The following PALM2AKAP2 variants were observed in gnomAD, a reference collection of about 807,000 sequenced individuals.
PALM2AKAP2 encodes PALM2 and AKAP2 fusion.
Under a neutral mutation model 71.5 loss-of-function variants are expected in PALM2AKAP2, and 37 were observed. The ratio of observed to expected loss-of-function variants is 0.52; its 90% confidence interval spans 0.40 to 0.68. PALM2AKAP2 has a LOEUF of 0.68. Among genes scored for constraint, PALM2AKAP2 ranks in the 30% least tolerant of loss-of-function variants. The pLI, the probability that PALM2AKAP2 is intolerant of heterozygous loss-of-function variation, is 0.00. For missense variants in PALM2AKAP2, 1,224 were observed against 1,191.8 expected (o/e 1.03, Z -0.40); for synonymous variants, 468 against 478.8 (o/e 0.98, Z 0.29).
intron 1 of PALM2AKAP2, among the ~76,000 whole-genome samples, chr9:109,764,928 T>C (rs928114215): frequency 5.3e-5 from 8 of 152,154 alleles, no homozygotes; most frequent in African/African-American, 1.9e-4. Context: ...CAGTTATTAG[T>C]GAGGAAGGAA....
chr9:109,729,453 G>A (rs567687431), intron 1 of PALM2AKAP2, among the ~76,000 whole-genome samples: 6 of 152,316 alleles, frequency 3.9e-5, no homozygotes, highest in Non-Finnish European at 8.8e-5. Context: ...GACATTAGAT[G>A]ATTCTATGAT....
intron 6 of PALM2AKAP2, among the ~76,000 whole-genome samples, chr9:109,969,856 C>T (rs1028589402): frequency 6.6e-6 from 1 of 152,206 alleles, no homozygotes; most frequent in Middle Eastern, 3.4e-3. Flanking sequence ...CACCCCTCCC[C>T]GAACCCCACC....
chr9:109,925,572 C>T (rs1010466715), intron 5 of PALM2AKAP2, among the ~76,000 whole-genome samples: 16 of 152,236 alleles, frequency 1.1e-4, no homozygotes, highest in Admixed American at 5.9e-4. Context: ...AGACAACTGT[C>T]GTTTCTTTCA....
intron 7 of PALM2AKAP2, among the ~76,000 whole-genome samples, chr9:110,019,171 C>G (rs1212193889): frequency 7.0e-6 from 1 of 142,548 alleles, no homozygotes; most frequent in East Asian, 2.0e-4. Context: ...ACCAGGGAGG[C>G]AGAGATTGCC....
At position 109,931,940 on chromosome 9, in the gene PALM2AKAP2, C is replaced by G. The variant is rs542620758; in HGVS notation, c.408C>G (p.Tyr136Ter). Residue 136 changes from tyrosine (Y) to a stop codon, truncating the protein, a stop_gained, in exon 6 of 10, where the codon TAC (tyrosine) becomes TAG (stop). Transcript: ENST00000302798. LOFTEE classifies it high-confidence loss of function. ...CTCTGCTACCAGATGCAGTAAATTA[C>G]ATTTCCTCCCAGCTTCCCGACCTGC... 1.2e-6 allele frequency: 2 copies of G among 1,614,096 alleles called. No homozygotes were observed. The highest frequency in any genetic ancestry group is 2.2e-5 in the South Asian group (2 of 91,056).
intron 6 of PALM2AKAP2, among the ~76,000 whole-genome samples, chr9:110,002,910 ATTC>A (rs1832706522): frequency 1.3e-5 from 2 of 151,068 alleles, no homozygotes; most frequent in Non-Finnish European, 3.0e-5. Flanking sequence ...CGTCTATTTG[ATTC>A]TTCTCTCTTT....
At chr9:110,048,686 A>G, upstream of PALM2AKAP2, 2 of 1,533,494 alleles carry the variant, frequency 1.3e-6, no homozygotes, top group South Asian at 2.4e-5. Flanking sequence ...CCCGGAGGCT[A>G]CCACTCCCTG....
chr9:109,887,665 A>C (rs574872067), intron 3 of PALM2AKAP2, among the ~76,000 whole-genome samples: 7 of 133,930 alleles, frequency 5.2e-5, no homozygotes, highest in Middle Eastern at 3.5e-3. Flanking sequence ...AGAGAAGCAC[A>C]GGAGGTGAAG....
intron 1 of PALM2AKAP2, among the ~76,000 whole-genome samples, chr9:110,061,538 T>C (rs541471): frequency 0.23 from 34,070 of 151,194 alleles, 4,155 homozygotes; most frequent in African/African-American, 0.31. Flanking sequence ...TCAGGCCCTA[T>C]TTCCAGTGTC....
chr9:110,024,669 A>G (rs1283982141), intron 7 of PALM2AKAP2, among the ~76,000 whole-genome samples: 9 of 151,978 alleles, frequency 5.9e-5, no homozygotes, highest in Admixed American at 5.9e-4. Context: ...CTGTAGTCCC[A>G]GCTACATGGG....
intron 1 of PALM2AKAP2, among the ~76,000 whole-genome samples, chr9:109,714,586 C>T (rs1828288507): frequency 6.6e-6 from 1 of 152,196 alleles, no homozygotes; most frequent in African/African-American, 2.4e-5. Context: ...TACCTGTGCC[C>T]ACCAAGTCAA....
At chr9:109,901,773 C>A (rs910860286) in intron 3 of PALM2AKAP2, among the ~76,000 whole-genome samples, 1 of 152,160 alleles carries the variant, frequency 6.6e-6, no homozygotes, top group Non-Finnish European at 1.5e-5. Context: ...GCAGGCCACT[C>A]ATTTTGGTTG....
intron 1 of PALM2AKAP2, among the ~76,000 whole-genome samples, chr9:110,064,043 C>T (rs1267354364): frequency 6.6e-6 from 1 of 152,146 alleles, no homozygotes. Context: ...CCCTTAGGAG[C>T]TTCCACGGAC....
At chr9:110,102,250 T>C (rs933398656) in intron 1 of PALM2AKAP2, among the ~76,000 whole-genome samples, 17 of 152,236 alleles carry the variant, frequency 1.1e-4, no homozygotes, top group African/African-American at 4.1e-4. Context: ...AAAGCAGGAA[T>C]ATCCTTATTA....
chr9:110,048,995 T>A, intron 1 of PALM2AKAP2: 2 of 1,166,350 alleles, frequency 1.7e-6, no homozygotes. Flanking sequence ...GGGCTTTTTG[T>A]GGTCCTTGTC....
At chr9:109,692,751 A>G (rs1030992718) in intron 1 of PALM2AKAP2, among the ~76,000 whole-genome samples, 8 of 152,040 alleles carry the variant, frequency 5.3e-5, no homozygotes, top group African/African-American at 1.2e-4. Flanking sequence ...AATTAATTTG[A>G]AAATGTTAAA....
chr9:109,807,122 A>G (rs1386147403), intron 1 of PALM2AKAP2, among the ~76,000 whole-genome samples: 1 of 129,484 alleles, frequency 7.7e-6, no homozygotes. Context: ...TTTCTCATCC[A>G]GTAGATCTAA....
chr9:109,793,495 A>G (rs1165710325), intron 1 of PALM2AKAP2, among the ~76,000 whole-genome samples: 4 of 152,212 alleles, frequency 2.6e-5, no homozygotes, highest in Admixed American at 6.5e-5. Context: ...CCCAGCCTGG[A>G]TACTTTGGTG....
chr9:110,087,353 C>T (rs899362840), intron 1 of PALM2AKAP2, among the ~76,000 whole-genome samples: 7 of 152,230 alleles, frequency 4.6e-5, no homozygotes, highest in African/African-American at 1.4e-4. Flanking sequence ...TTGTCTTGAT[C>T]ACTGCACAGT....
Sources: gnomAD v4.1 joint callset for allele counts (sites outside exome capture counted in the v4.1 genomes callset) on GRCh38, gnomAD v4.1.1 for gene constraint, MANE v1.5 for transcripts, NCBI Gene and HGNC (gene_info 2026-07-23, HGNC 2026-07-21) for gene names.